EVI5: variants seen among roughly 807,000 people sequenced by gnomAD.
The protein encoded by EVI5 is ecotropic viral integration site 5 protein homolog.
A neutral mutation model predicts 112.0 loss-of-function variants in EVI5; 73 were observed. The observed-to-expected ratio is 0.65, with a 90% CI of 0.54 to 0.79. The LOEUF (loss-of-function observed/expected upper bound fraction) is 0.79. EVI5 is among the 30% of genes least tolerant of loss of function. EVI5 has a pLI of 0.00. For synonymous variants in EVI5, 305 were observed against 319.9 expected (o/e 0.95, Z 0.50); for missense variants, 900 against 968.8 (o/e 0.93, Z 0.94).
At chr1:92,662,933 G>T in intron 12 of EVI5, 68 bp from the exon 13 acceptor site, 1 of 767,400 alleles carries the variant, frequency 1.3e-6, no homozygotes, top group Non-Finnish European at 1.6e-6. Context: ...CCTTTGTGAG[G>T]TTTAGTTATT....
In EVI5 at chr1:92,526,727, G is replaced by A. The variant is rs72722478; in HGVS notation, c.2167-12757C>T. Among the ~76,000 whole-genome samples, 531 of 152,206 alleles carry A rather than the reference G, an allele frequency of 3.5e-3. 1 individual carries two copies. Among genetic ancestry groups the A allele is most frequent in the Non-Finnish European group, 5.9e-3 (402 of 68,022 alleles). ...AGGGATGAACAGGTGGAACACAGGG[G>A]ATTGTTAGGCAGTGCAACCATTTTG... On this transcript the variant is annotated intron_variant, in intron 19 of 19. Transcript: ENST00000684568.
At position 92,704,733 on chromosome 1, in the gene EVI5, G is replaced by A. The variant is rs375340300; in HGVS notation, c.161C>T (p.Thr54Met). The A allele has an allele frequency of 1.7e-5, 26 of 1,519,464 alleles. No homozygotes were observed. Among genetic ancestry groups the A allele is most frequent in the South Asian group, 9.0e-5 (7 of 78,032 alleles). 94.1% of individuals were successfully genotyped at this position (1,519,464 alleles called of 1,614,324 possible). A position where few individuals can be genotyped will look rare whatever the true frequency, so the allele number is the denominator to read the frequency against. Residue 54 changes from threonine to methionine, a missense_variant, in exon 3 of 20, where the codon ACG becomes ATG. Transcript: ENST00000684568. The stretch of plus-strand genomic sequence containing the variant: ...TACAGATCTTAAAGACTTACTATCC[G>A]TTTCTAACAATCTAAAATATAATTA... ...KLEEQNRLLE[T>M]DSKSLRSVNG...
Position 92,509,888 on chromosome 1 carries a change from C to A in EVI5, c.*3768G>T, listed in dbSNP as rs1323990496. 6.6e-6 allele frequency: 1 copy of A among 152,124 alleles called. No individual in the cohort carries two copies. The highest frequency in any genetic ancestry group is 1.5e-5 in the Non-Finnish European group (1 of 68,036). The allele number at this position is 152,124 out of a possible 1,614,324, so 9.4% of individuals were successfully genotyped here. A position where few individuals can be genotyped will look rare whatever the true frequency, so the allele number is the denominator to read the frequency against. The stretch of plus-strand genomic sequence containing the variant: ...AATATACTCAACTCTAAGTGTTTAA[C>A]TTAATAACATTCAAATATCACAAAA... On this transcript the variant is annotated 3_prime_UTR_variant, in exon 20 of 20. Transcript: ENST00000684568.
chr1:92,756,596 G>A, intron 1 of EVI5: 1 of 502,206 alleles, frequency 2.0e-6, no homozygotes, highest in South Asian at 1.5e-5. Flanking sequence ...GGACAAGCAG[G>A]ACCTCAAATG....
At chr1:92,733,169 G>T in intron 2 of EVI5, 1 of 226,812 alleles carries the variant, frequency 4.4e-6, no homozygotes, top group South Asian at 7.9e-5. Context: ...TTGCTAAATT[G>T]GATTGTCCTT....
chr1:92,779,036 G>C (rs990417848), intron 1 of EVI5, among the ~76,000 whole-genome samples: 1 of 151,846 alleles, frequency 6.6e-6, no homozygotes, highest in Admixed American at 6.6e-5. Context: ...CACTGCTTTA[G>C]ACTCTAGAAT....
intron 13 of EVI5, among the ~76,000 whole-genome samples, chr1:92,638,446 T>C (rs910749753): frequency 6.6e-6 from 1 of 152,174 alleles, no homozygotes; most frequent in Non-Finnish European, 1.5e-5. Context: ...TCCCAGGTCA[T>C]CATGATGGTG....
At chr1:92,717,320 A>G (rs1239524964) in intron 2 of EVI5, among the ~76,000 whole-genome samples, 1 of 152,238 alleles carries the variant, frequency 6.6e-6, no homozygotes, top group Non-Finnish European at 1.5e-5. Flanking sequence ...CACAAACGGA[A>G]GCCCATCAAA....
intron 2 of EVI5, among the ~76,000 whole-genome samples, chr1:92,715,736 A>G (rs1673538710): frequency 6.6e-6 from 1 of 152,128 alleles, no homozygotes; most frequent in Non-Finnish European, 1.5e-5. Flanking sequence ...CTGTACCTGG[A>G]AAAACGGGAC....
At chr1:92,748,891 C>G (rs1161464178) in intron 1 of EVI5, among the ~76,000 whole-genome samples, 1 of 151,826 alleles carries the variant, frequency 6.6e-6, no homozygotes, top group East Asian at 1.9e-4. Context: ...ACAGAAGAAA[C>G]CCCATCTCTA....
intron 1 of EVI5, among the ~76,000 whole-genome samples, chr1:92,765,555 T>C (rs1228966965): frequency 6.6e-6 from 1 of 150,958 alleles, no homozygotes. Flanking sequence ...AGAAAAGTTA[T>C]AAACAACAAA....
At chr1:92,558,643 T>C (rs750231194) in intron 19 of EVI5, among the ~76,000 whole-genome samples, 1 of 152,108 alleles carries the variant, frequency 6.6e-6, no homozygotes, top group Non-Finnish European at 1.5e-5. Flanking sequence ...TCACTCTTTC[T>C]CTTCTACAAT....
intron 19 of EVI5, among the ~76,000 whole-genome samples, chr1:92,557,441 G>A (rs1667850261): frequency 6.6e-6 from 1 of 151,898 alleles, no homozygotes; most frequent in African/African-American, 2.4e-5. Flanking sequence ...GCACCACCAT[G>A]TCCTGCTAAT....
chr1:92,667,970 C>T (rs1665219673), intron 10 of EVI5, among the ~76,000 whole-genome samples: 1 of 152,098 alleles, frequency 6.6e-6, no homozygotes, highest in African/African-American at 2.4e-5. Flanking sequence ...AATCAAGGGC[C>T]TTCTTCCAGC....
intron 12 of EVI5, 92 bp from the exon 13 acceptor site, chr1:92,662,957 TAAAAA>T: frequency 3.3e-6 from 1 of 305,974 alleles, no homozygotes; most frequent in Non-Finnish European, 4.8e-6. Flanking sequence ...TTTGACATGT[TAAAAA>T]AAAAAAAAAA....
At chr1:92,748,692 G>A (rs1030297304) in intron 1 of EVI5, among the ~76,000 whole-genome samples, 1 of 149,376 alleles carries the variant, frequency 6.7e-6, no homozygotes, top group Non-Finnish European at 1.5e-5. Flanking sequence ...GGGAGACAGA[G>A]GCTTCAAATA....
chr1:92,715,004 A>AT (rs953199484), intron 2 of EVI5, among the ~76,000 whole-genome samples: 9 of 151,196 alleles, frequency 6.0e-5, no homozygotes, highest in South Asian at 2.1e-4. Context: ...AGTTTTAATG[A>AT]TTTTTTTTTC....
chr1:92,750,260 C>T (rs1679971412), intron 1 of EVI5, among the ~76,000 whole-genome samples: 1 of 152,004 alleles, frequency 6.6e-6, no homozygotes, highest in Non-Finnish European at 1.5e-5. Flanking sequence ...CAGACATAAA[C>T]AGAAAATCAA....
intron 16 of EVI5, among the ~76,000 whole-genome samples, chr1:92,616,438 G>C (rs1653168805): frequency 6.6e-6 from 1 of 152,218 alleles, no homozygotes; most frequent in African/African-American, 2.4e-5. Context: ...CATAGCTACT[G>C]TCATGAACAG....
Sources: gnomAD v4.1 joint callset for allele counts (sites outside exome capture counted in the v4.1 genomes callset) on GRCh38, gnomAD v4.1.1 for gene constraint, MANE v1.5 for transcripts, NCBI Gene and HGNC (gene_info 2026-07-23, HGNC 2026-07-21) for gene names.